ZMIZ1: variants seen among roughly 807,000 people sequenced by gnomAD.
ZMIZ1 encodes the protein zinc finger MIZ domain-containing protein 1.
Under a neutral mutation model 113.9 loss-of-function variants are expected in ZMIZ1, and 17 were observed. That is an observed-to-expected ratio of 0.15 (90% CI 0.10 to 0.22). The LOEUF (loss-of-function observed/expected upper bound fraction) is 0.22, where lower values mean the gene tolerates loss of function less well. Ranked by LOEUF, ZMIZ1 falls within the 10% of genes least tolerant of loss-of-function variation. ZMIZ1 has a pLI of 1.00. For missense variants in ZMIZ1, 1,059 were observed against 1,477.8 expected, an observed-to-expected ratio of 0.72 and a Z score of 4.65; for synonymous variants, 607 against 603.1, an observed-to-expected ratio of 1.01 and a Z score of -0.09.
intron 1 of ZMIZ1, among the ~76,000 whole-genome samples, chr10:79,070,805 C>G (rs143596678): frequency 3.1e-4 from 47 of 152,164 alleles, no homozygotes; most frequent in African/African-American, 9.9e-4. Context: ...AGGCAGTGCC[C>G]GAGTAACTGG....
intron 7 of ZMIZ1, among the ~76,000 whole-genome samples, chr10:79,222,821 A>C (rs995971460): frequency 6.6e-6 from 1 of 152,200 alleles, no homozygotes; most frequent in African/African-American, 2.4e-5. Flanking sequence ...CCTGACCCCA[A>C]GGGCCCTGGA....
intron 1 of ZMIZ1, among the ~76,000 whole-genome samples, chr10:79,114,518 T>C (rs541345633): frequency 1.8e-4 from 24 of 135,426 alleles, no homozygotes; most frequent in East Asian, 1.2e-3. Context: ...TGTGTGTGTG[T>C]GTGTGTGTGT....
At chr10:79,228,481 T>A (rs1166295242) in intron 7 of ZMIZ1, among the ~76,000 whole-genome samples, 1 of 152,254 alleles carries the variant, frequency 6.6e-6, no homozygotes, top group East Asian at 1.9e-4. Context: ...CTTCTCTTCC[T>A]CCTTCCCTGG....
chr10:79,111,603 A>C (rs2132295785), intron 1 of ZMIZ1, among the ~76,000 whole-genome samples: 1 of 152,318 alleles, frequency 6.6e-6, no homozygotes, highest in Non-Finnish European at 1.5e-5. Flanking sequence ...CACAGGCCAG[A>C]GCCTGAGACC....
chr10:79,072,266 G>C (rs1413449315), intron 1 of ZMIZ1, among the ~76,000 whole-genome samples: 5 of 152,070 alleles, frequency 3.3e-5, no homozygotes, highest in Non-Finnish European at 7.4e-5. Context: ...TCTCCCTCAC[G>C]CACGCGCGCA....
Position 79,296,356 on chromosome 10 carries a change from G to A in ZMIZ1, c.1231-115G>A, listed in dbSNP as rs1853889397. 8 of 1,178,266 alleles carry A rather than the reference G, an allele frequency of 6.8e-6. No individual in the cohort carries two copies. Among genetic ancestry groups the A allele is most frequent in the Non-Finnish European group, 9.9e-6 (8 of 806,048 alleles). The allele number at this position is 1,178,266 out of a possible 1,614,324, so 73.0% of individuals were successfully genotyped here. On this transcript the variant is annotated intron_variant, in intron 12 of 24. Coordinates refer to ENST00000334512, the MANE Select transcript of ZMIZ1 (RefSeq NM_020338.4). This position sits in a 1 kb window ranked among gnomAD's most constrained non-coding sequence, Gnocchi z 4.1. Reference sequence around the variant, plus strand: ...AAGCATTATCTGGTTTTGTGGGTGGGAAACAGCAGGAGCAAATGAGGAGAG... The same window carrying A: ...AAGCATTATCTGGTTTTGTGGGTGGAAAACAGCAGGAGCAAATGAGGAGAG...
intron 1 of ZMIZ1, among the ~76,000 whole-genome samples, chr10:79,101,133 C>G (rs1481302838): frequency 6.6e-6 from 1 of 152,078 alleles, no homozygotes; most frequent in East Asian, 1.9e-4. Context: ...CCAAGCTCTC[C>G]CCTTGATGAG....
chr10:79,210,174 G>A (rs1194473965), intron 6 of ZMIZ1, among the ~76,000 whole-genome samples: 1 of 152,162 alleles, frequency 6.6e-6, no homozygotes, highest in Admixed American at 6.5e-5. Flanking sequence ...GGAGGAGGTG[G>A]GAACCTTGTG....
chr10:79,154,838 CTG>C (rs1354448557), intron 3 of ZMIZ1, among the ~76,000 whole-genome samples: 21 of 152,328 alleles, frequency 1.4e-4, no homozygotes, highest in Non-Finnish European at 2.6e-4. Context: ...TTCTCTATCT[CTG>C]TGATACGGGG....
At position 79,093,288 on chromosome 10, in the gene ZMIZ1, A is replaced by G. The variant is rs373049994; in HGVS notation, c.-337+24018A>G. 6.4e-3 allele frequency among the ~76,000 whole-genome samples: 832 copies of G among 129,840 alleles called. 6 individuals are homozygous for G. The highest frequency in any genetic ancestry group is 0.023 in the African/African-American group (792 of 33,982). The allele number at this position is 129,840 out of a possible 152,430, so 85.2% of individuals were successfully genotyped here. ...GGAAGGACTGCTGTACCCCAGTTTTATTTTATTTATTTATTTATTTATTTA... is the reference window on the plus strand; with the variant it reads ...GGAAGGACTGCTGTACCCCAGTTTTGTTTTATTTATTTATTTATTTATTTA... On this transcript the variant is annotated intron_variant, in intron 1 of 24. Coordinates refer to ENST00000334512, the MANE Select transcript of ZMIZ1 (RefSeq NM_020338.4).
At chr10:79,293,947 T>G in intron 12 of ZMIZ1, 1 of 530,332 alleles carries the variant, frequency 1.9e-6, no homozygotes, top group Non-Finnish European at 3.4e-6. Context: ...CAAGCAGCAG[T>G]TCCTCTTACT....
At chr10:79,207,878 A>G (rs1342231373) in intron 5 of ZMIZ1, among the ~76,000 whole-genome samples, 2 of 151,712 alleles carry the variant, frequency 1.3e-5, no homozygotes, top group East Asian at 3.9e-4. Flanking sequence ...AGGAATCTCC[A>G]GGGCCAACCT....
chr10:79,230,547 C>T (rs142756458), intron 7 of ZMIZ1, among the ~76,000 whole-genome samples: 1 of 152,342 alleles, frequency 6.6e-6, no homozygotes, highest in East Asian at 1.9e-4. Flanking sequence ...CCCAATTAAG[C>T]GTCTGCCGGG....
chr10:79,177,942 A>G (rs1846940898), intron 4 of ZMIZ1, among the ~76,000 whole-genome samples: 1 of 152,182 alleles, frequency 6.6e-6, no homozygotes, highest in South Asian at 2.1e-4. Flanking sequence ...CTTTTGGACT[A>G]AGTCACGAGG....
At chr10:79,139,922 T>A (rs1329124497) in intron 3 of ZMIZ1, 145 bp downstream of exon 3, 1 of 397,768 alleles carries the variant, frequency 2.5e-6, no homozygotes, top group Non-Finnish European at 4.4e-6. Flanking sequence ...TGGGCCTGGC[T>A]GCAGGGCCTC....
intron 5 of ZMIZ1, among the ~76,000 whole-genome samples, chr10:79,208,073 G>A (rs970255343): frequency 8.8e-4 from 128 of 146,166 alleles, no homozygotes; most frequent in African/African-American, 3.3e-3. Context: ...AGGTGAGGGT[G>A]GGGGTGGAGG....
rs703984 is a variant in ZMIZ1 at position 79,181,660 on chromosome 10, G to T, written c.-50+19527G>T. On this transcript the variant is annotated intron_variant, in intron 4 of 24. Coordinates refer to ENST00000334512, the MANE Select transcript of ZMIZ1 (RefSeq NM_020338.4). ...CTGTCCTCTAGGCCCTGGCTGTCCA[G>T]GTCACACCCCTTTGTGACCCCCTCT... Among the ~76,000 whole-genome samples the T allele has an allele frequency of 1.8e-3, 270 of 152,146 alleles. 3 individuals are homozygous for T. In the East Asian group the frequency reaches 0.047, roughly 26 times the overall value.
At chr10:79,154,358 G>A (rs1192076945) in intron 3 of ZMIZ1, among the ~76,000 whole-genome samples, 1 of 152,136 alleles carries the variant, frequency 6.6e-6, no homozygotes, top group Non-Finnish European at 1.5e-5. Context: ...TAGGATTGGG[G>A]GCCTCCCAGA....
chr10:79,087,918 G>T (rs1436369146), intron 1 of ZMIZ1, among the ~76,000 whole-genome samples: 1 of 152,186 alleles, frequency 6.6e-6, no homozygotes, highest in Non-Finnish European at 1.5e-5. Flanking sequence ...TGCTTGGCAG[G>T]ATCGCAGCTA....
Sources: allele counts gnomAD v4.1 joint callset (sites outside exome capture counted in the v4.1 genomes callset), GRCh38; gene constraint gnomAD v4.1.1; non-coding constraint Gnocchi (gnomAD v3.1); transcripts MANE v1.5; gene names NCBI Gene and HGNC (gene_info 2026-07-23, HGNC 2026-07-21).